The following PDE8B variants were observed in gnomAD, a reference collection of about 807,000 sequenced individuals.
PDE8B encodes the protein phosphodiesterase 8B.
PDE8B carries 26 observed loss-of-function variants against 101.3 expected under a neutral mutation model. The ratio of observed to expected loss-of-function variants is 0.26; its 90% confidence interval spans 0.19 to 0.36. PDE8B has a LOEUF of 0.36. PDE8B is among the 10% of genes least tolerant of loss of function. The pLI, the probability that PDE8B is intolerant of heterozygous loss-of-function variation, is 1.00. For missense variants in PDE8B, 810 were observed against 1,163.1 expected, an observed-to-expected ratio of 0.70 and a Z score of 4.42; for synonymous variants, 424 against 429.3, an observed-to-expected ratio of 0.99 and a Z score of 0.15.
At chr5:77,186,733 C>T in the PDE8B span, among the ~76,000 whole-genome samples, 1 of 152,120 alleles carries the variant, frequency 6.6e-6, no homozygotes, top group Non-Finnish European at 1.5e-5. Flanking sequence ...AGAAGGAAAC[C>T]AAAGCAGTGG....
intron 7 of PDE8B, among the ~76,000 whole-genome samples, chr5:77,346,952 A>G (rs1254529713): frequency 2.0e-5 from 3 of 152,152 alleles, no homozygotes; most frequent in African/African-American, 7.2e-5. Context: ...GGGCACTCCA[A>G]TCAAATAGTT....
At chr5:77,370,301 T>G (rs1784861437) in intron 10 of PDE8B, among the ~76,000 whole-genome samples, 1 of 152,226 alleles carries the variant, frequency 6.6e-6, no homozygotes, top group Non-Finnish European at 1.5e-5. Context: ...TCCTTCTTCC[T>G]CTTCCCAATT....
the PDE8B span, among the ~76,000 whole-genome samples, chr5:77,189,063 G>C: frequency 6.6e-6 from 1 of 152,118 alleles, no homozygotes; most frequent in Non-Finnish European, 1.5e-5. Context: ...CCAGTCTGCA[G>C]GGTTTTTCTC....
chr5:77,189,715 T>C, the PDE8B span, among the ~76,000 whole-genome samples: 1 of 151,368 alleles, frequency 6.6e-6, no homozygotes, highest in Non-Finnish European at 1.5e-5. Context: ...GGCAGAGAGG[T>C]TGTGGAGAGC....
chr5:77,251,855 C>A (rs979328185), intron 1 of PDE8B, among the ~76,000 whole-genome samples: 5 of 152,076 alleles, frequency 3.3e-5, no homozygotes, highest in Non-Finnish European at 7.4e-5. Context: ...TAATTTGTTT[C>A]TTTTTCAAAT....
the PDE8B span, among the ~76,000 whole-genome samples, chr5:77,117,420 A>T: frequency 6.6e-6 from 1 of 152,200 alleles, no homozygotes; most frequent in African/African-American, 2.4e-5. Flanking sequence ...ATTGAGACTG[A>T]CAATGCCTGG....
intron 3 of PDE8B, among the ~76,000 whole-genome samples, chr5:77,327,174 T>C (rs1776203547): frequency 6.6e-6 from 1 of 152,190 alleles, no homozygotes; most frequent in Non-Finnish European, 1.5e-5. Flanking sequence ...GACACGCTCC[T>C]GGCAGATGTG....
chr5:77,295,734 C>A (rs183142), intron 1 of PDE8B, among the ~76,000 whole-genome samples: 1 of 152,172 alleles, frequency 6.6e-6, no homozygotes, highest in African/African-American at 2.4e-5. Flanking sequence ...GAGAAAAAAG[C>A]CAATTAATTG....
intron 1 of PDE8B, among the ~76,000 whole-genome samples, chr5:77,234,607 T>C (rs1025013631): frequency 6.6e-6 from 1 of 152,110 alleles, no homozygotes; most frequent in African/African-American, 2.4e-5. Flanking sequence ...CTGCAGTACT[T>C]GTCTAGTCTA....
intron 17 of PDE8B, among the ~76,000 whole-genome samples, chr5:77,417,358 T>G (rs558111680): frequency 6.6e-6 from 1 of 152,362 alleles, no homozygotes; most frequent in African/African-American, 2.4e-5. Flanking sequence ...TACTTCCGTT[T>G]GTGTTTTTAA....
At position 77,312,944 on chromosome 5, in the gene PDE8B, A is replaced by G. The variant is rs1180887333; in HGVS notation, c.399+891A>G. Among the ~76,000 whole-genome samples the G allele has an allele frequency of 8.5e-5, 13 of 152,352 alleles. No homozygotes were observed. In the East Asian group the frequency reaches 2.1e-3, roughly 25 times the overall value. Reference sequence around the variant, plus strand: ...CTTCACTCTAATAATGGCAGCAACTATGTCCTCCTTGCAGCCCTTCCAGGT... The same window carrying G: ...CTTCACTCTAATAATGGCAGCAACTGTGTCCTCCTTGCAGCCCTTCCAGGT... On this transcript the variant is annotated intron_variant, in intron 2 of 21. Coordinates refer to ENST00000264917, the MANE Select transcript of PDE8B (RefSeq NM_003719.5).
intron 11 of PDE8B, among the ~76,000 whole-genome samples, chr5:77,403,829 T>TA (rs1792824505): frequency 6.6e-6 from 1 of 152,066 alleles, no homozygotes; most frequent in African/African-American, 2.4e-5. Context: ...AATTCTTTTT[T>TA]TTTTTGGAGA....
chr5:77,378,783 A>G (rs904678875), intron 10 of PDE8B, among the ~76,000 whole-genome samples: 5 of 152,218 alleles, frequency 3.3e-5, no homozygotes, highest in Non-Finnish European at 5.9e-5. Context: ...CCCCACCCAG[A>G]CCTACTGAGT....
intron 9 of PDE8B, among the ~76,000 whole-genome samples, chr5:77,352,337 C>T (rs1781308023): frequency 6.6e-6 from 1 of 152,192 alleles, no homozygotes; most frequent in Non-Finnish European, 1.5e-5. Flanking sequence ...GCTAAGAATC[C>T]CTTTCTGTGT....
chr5:77,306,689 G>A (rs571494265), intron 1 of PDE8B, among the ~76,000 whole-genome samples: 1 of 152,302 alleles, frequency 6.6e-6, no homozygotes, highest in African/African-American at 2.4e-5. Flanking sequence ...CAAAATTCCT[G>A]AAGCTGAAAC....
chr5:77,109,179 G>A, the PDE8B span, among the ~76,000 whole-genome samples: 1 of 152,350 alleles, frequency 6.6e-6, no homozygotes, highest in Middle Eastern at 3.4e-3. Flanking sequence ...CTGAGAGTCA[G>A]GACTCTGCCC....
At chr5:77,280,963 G>A (rs562963308) in intron 1 of PDE8B, among the ~76,000 whole-genome samples, 8 of 152,288 alleles carry the variant, frequency 5.3e-5, no homozygotes, top group South Asian at 2.1e-4. Context: ...ACAGACTGCC[G>A]GCCCAGAGCC....
intron 20 of PDE8B, among the ~76,000 whole-genome samples, chr5:77,423,212 T>C (rs900315103): frequency 3.9e-5 from 6 of 152,252 alleles, no homozygotes; most frequent in Non-Finnish European, 8.8e-5. Flanking sequence ...TATGGCTGCA[T>C]AGTATTCCAT....
chr5:77,313,319 G>T (rs936230949), intron 2 of PDE8B, among the ~76,000 whole-genome samples: 24 of 151,796 alleles, frequency 1.6e-4, no homozygotes, highest in African/African-American at 5.6e-4. Context: ...GAAGAGATTA[G>T]CTTGGGAAAA....
Sources: gnomAD v4.1 joint callset for allele counts (sites outside exome capture counted in the v4.1 genomes callset) on GRCh38, gnomAD v4.1.1 for gene constraint, MANE v1.5 for transcripts, NCBI Gene and HGNC (gene_info 2026-07-23, HGNC 2026-07-21) for gene names.